Variants in ZNF66 observed in about 807,000 individuals in gnomAD.
The protein encoded by ZNF66 is putative zinc finger protein 66.
ZNF66 carries 32 observed loss-of-function variants against 35.2 expected under a neutral mutation model. The ratio of observed to expected loss-of-function variants is 0.91; its 90% CI spans 0.69 to 1.22. The LOEUF (loss-of-function observed/expected upper bound fraction) is 1.22. Ranked by LOEUF, ZNF66 falls within the 50% of genes most tolerant of loss-of-function variation. The pLI, the probability that ZNF66 is intolerant of heterozygous loss-of-function variation, is 0.00. For synonymous variants in ZNF66, 231 were observed against 181.3 expected, an observed-to-expected ratio of 1.27 and a Z score of -2.20; for missense variants, 666 against 543.1, an observed-to-expected ratio of 1.23 and a Z score of -2.25.
At chr19:20,779,261 C>T (rs1599544316) in intron 1 of ZNF66, among the ~76,000 whole-genome samples, 1 of 152,010 alleles carries the variant, frequency 6.6e-6, no homozygotes, top group Non-Finnish European at 1.5e-5. Context: ...AAAGTACCAA[C>T]TAAATATAAG....
rs1971570346 is a variant in ZNF66, at chr19:20,809,756, G to C, written c.*2434G>C. The stretch of plus-strand genomic sequence containing the variant: ...AAAATGTAAAGACCATCGAGACTAG[G>C]AAGAAACTGCATGAACTAACGAGCA... On this transcript the variant is annotated 3_prime_UTR_variant, in exon 4 of 4. Transcript: ENST00000344519. Among the ~76,000 whole-genome samples the C allele has an allele frequency of 6.6e-6, 1 of 151,822 alleles. No individual in the cohort carries two copies. Among genetic ancestry groups the C allele is most frequent in the Admixed American group, 6.6e-5 (1 of 15,230 alleles).
At position 20,807,836 on chromosome 19, in the gene ZNF66, C is replaced by T. The variant is rs1971539090; in HGVS notation, c.*514C>T. Among the ~76,000 whole-genome samples the T allele has an allele frequency of 6.6e-6, 1 of 152,162 alleles. No individual in the cohort carries two copies. On this transcript the variant is annotated 3_prime_UTR_variant, in exon 4 of 4. Coordinates refer to ENST00000344519, the MANE Select transcript of ZNF66 (RefSeq NM_001355197.2). ...TCCGTCTGATGTACCAGGTTCATCT[C>T]ACTAGGGAGTGCCAGACAGTGGCTG...
chr19:20,778,526 G>A (rs1971215998), intron 1 of ZNF66, among the ~76,000 whole-genome samples: 1 of 152,174 alleles, frequency 6.6e-6, no homozygotes, highest in South Asian at 2.1e-4. Context: ...GCTCATGCCT[G>A]TAGTTTCAGC....
chr19:20,784,081 C>T (rs1441149649), intron 1 of ZNF66, among the ~76,000 whole-genome samples: 3 of 152,106 alleles, frequency 2.0e-5, no homozygotes, highest in African/African-American at 7.2e-5. Context: ...TGATCTTGAA[C>T]TCCTGACCTC....
rs865971715 is a variant in ZNF66 at position 20,808,767 on chromosome 19, G to C, written c.*1445G>C. On this transcript the variant is annotated 3_prime_UTR_variant, in exon 4 of 4. Transcript: ENST00000344519. ...GGGAAAAAACAGAGCAGAAAAACTG[G>C]AAAGTCTAAAAAGCAGAGCACCTCT... Among the ~76,000 whole-genome samples the C allele has an allele frequency of 6.6e-6, 1 of 151,898 alleles. No homozygotes were observed. The highest frequency in any genetic ancestry group is 1.5e-5 in the Non-Finnish European group (1 of 67,964).
In ZNF66 at chr19:20,807,710, A is replaced by G. The variant is rs1971537100; in HGVS notation, c.*388A>G. Reference sequence around the variant, plus strand: ...ATTTTCCTGCCTCAGCTTGTCTAGTAGATGAGATTATGGGGGGTGGAGCCA... The same window carrying G: ...ATTTTCCTGCCTCAGCTTGTCTAGTGGATGAGATTATGGGGGGTGGAGCCA... On this transcript the variant is annotated 3_prime_UTR_variant, in exon 4 of 4. Transcript: ENST00000344519. 6.6e-6 allele frequency among the ~76,000 whole-genome samples: 1 copy of G among 151,958 alleles called. No homozygotes were observed.
intron 3 of ZNF66, among the ~76,000 whole-genome samples, chr19:20,797,800 G>A (rs1287473534): frequency 5.9e-5 from 9 of 152,074 alleles, no homozygotes; most frequent in Non-Finnish European, 1.2e-4. Context: ...GTGACCTCGT[G>A]ATTTGCACAC....
In ZNF66 at chr19:20,807,331, C is replaced by T. The variant is rs1270608844; in HGVS notation, c.*9C>T. 1 of 621,002 alleles carries T rather than the reference C, an allele frequency of 1.6e-6. No individual in the cohort carries two copies. The highest frequency in any genetic ancestry group is 1.8e-5 in the African/African-American group (1 of 54,498). 38.5% of individuals were successfully genotyped at this position (621,002 alleles called of 1,614,324 possible). ...ATGTGGCAAAGCCTTAGACACTCCT[C>T]TACCCTTACTAGACATAAGATAATT... On this transcript the variant is annotated 3_prime_UTR_variant, in exon 4 of 4. Transcript: ENST00000344519.
intron 3 of ZNF66, among the ~76,000 whole-genome samples, chr19:20,804,248 T>A (rs761180445): frequency 6.6e-6 from 1 of 151,914 alleles, no homozygotes; most frequent in Non-Finnish European, 1.5e-5. Context: ...TTTATTTATT[T>A]ATTTTATTAT....
At chr19:20,777,114 T>TAAAAAAAAAAAA (rs767934089) in intron 1 of ZNF66, among the ~76,000 whole-genome samples, 1 of 95,028 alleles carries the variant, frequency 1.1e-5, no homozygotes, top group Non-Finnish European at 2.1e-5. Context: ...GACTCTTGTC[T>TAAAAAAAAAAAA]AAAAAAAAAA....
intron 1 of ZNF66, among the ~76,000 whole-genome samples, chr19:20,780,723 T>G (rs1355088435): frequency 6.6e-6 from 1 of 152,118 alleles, no homozygotes; most frequent in East Asian, 1.9e-4. Context: ...GGAATAAAAC[T>G]AGGTGTTTGG....
intron 3 of ZNF66, among the ~76,000 whole-genome samples, chr19:20,796,598 A>G (rs1012220894): frequency 1.3e-5 from 2 of 152,180 alleles, no homozygotes; most frequent in African/African-American, 2.4e-5. Context: ...AAATTTAACA[A>G]TGTAAGGCTA....
intron 1 of ZNF66, among the ~76,000 whole-genome samples, chr19:20,784,392 T>C (rs1369341049): frequency 1.3e-5 from 2 of 152,152 alleles, no homozygotes; most frequent in Non-Finnish European, 2.9e-5. Flanking sequence ...TTGTCTGACA[T>C]ATTTATTACT....
chr19:20,780,360 C>T (rs1272590119), intron 1 of ZNF66, among the ~76,000 whole-genome samples: 1 of 152,110 alleles, frequency 6.6e-6, no homozygotes, highest in Non-Finnish European at 1.5e-5. Context: ...ATGCATTTCT[C>T]CCATTTGGCT....
chr19:20,805,853 C>T lies in ZNF66; in HGVS notation c.253C>T (p.Leu85Phe). 1.7e-6 allele frequency: 1 copy of T among 592,928 alleles called. No homozygotes were observed. The highest frequency in any genetic ancestry group is 3.0e-6 in the Non-Finnish European group (1 of 328,102). The allele number at this position is 592,928 out of a possible 1,614,324, so 36.7% of individuals were successfully genotyped here. A position where few individuals can be genotyped will look rare whatever the true frequency, so the allele number is the denominator to read the frequency against. Residue 85 changes from leucine (L) to phenylalanine (F), a missense_variant, in exon 4 of 4, where the codon CTT becomes TTT. Physicochemically the swap from Leu to Phe is conservative, Grantham distance 22. Coordinates refer to ENST00000344519, the MANE Select transcript of ZNF66 (RefSeq NM_001355197.2). ...TTTGTGTTCTCATTTTAACCAAGAC[C>T]TTTGGCCAGAGCAGAGCATAAAAGA... ...SVLCSHFNQD[L>F]WPEQSIKDSF...
At chr19:20,776,746 G>C (rs8109027) in intron 1 of ZNF66, among the ~76,000 whole-genome samples, 98,213 of 151,948 alleles carry the variant, frequency 0.65, 31,886 homozygotes, top group Non-Finnish European at 0.67. Context: ...AGGGGAGAAT[G>C]CTGACTCGCG....
intron 1 of ZNF66, among the ~76,000 whole-genome samples, chr19:20,787,577 C>G (rs555586426): frequency 3.9e-5 from 6 of 152,282 alleles, no homozygotes; most frequent in Admixed American, 3.9e-4. Context: ...CATCTTACAG[C>G]CCCATTTTGG....
At chr19:20,778,761 C>T (rs1051880540) in intron 1 of ZNF66, among the ~76,000 whole-genome samples, 6 of 150,156 alleles carry the variant, frequency 4.0e-5, no homozygotes, top group Non-Finnish European at 1.5e-5. Context: ...CCAGCCTGGG[C>T]CACAGAGTGA....
intron 1 of ZNF66, among the ~76,000 whole-genome samples, chr19:20,781,489 T>C (rs2144891458): frequency 6.6e-6 from 1 of 151,868 alleles, no homozygotes; most frequent in South Asian, 2.1e-4. Context: ...ATTCATTTGG[T>C]TTTCTGTTTC....
Sources: allele counts gnomAD v4.1 joint callset (sites outside exome capture counted in the v4.1 genomes callset), GRCh38; gene constraint gnomAD v4.1.1; transcripts MANE v1.5; gene names NCBI Gene and HGNC (gene_info 2026-07-23, HGNC 2026-07-21).